CARD16: variants seen among roughly 807,000 people sequenced by gnomAD.
CARD16 encodes caspase recruitment domain-containing protein 16.
Under a neutral mutation model 11.9 loss-of-function variants are expected in CARD16, and 8 were observed. The ratio of observed to expected loss-of-function variants is 0.67; its 90% CI spans 0.39 to 1.21. The LOEUF (loss-of-function observed/expected upper bound fraction) is 1.21, where lower values mean the gene tolerates loss of function less well. CARD16 is among the 50% of genes most tolerant of loss of function. CARD16 has a pLI of 0.01. For missense variants in CARD16, 131 were observed against 118.1 expected, an observed-to-expected ratio of 1.11 and a Z score of -0.51; for synonymous variants, 44 against 43.8, an observed-to-expected ratio of 1.00 and a Z score of -0.02.
In CARD16 at chr11:105,041,572, C is replaced by T. The variant is rs1282211147; in HGVS notation, c.*191G>A. On this transcript the variant is annotated 3_prime_UTR_variant, in exon 4 of 4. Transcript: ENST00000673097. ...AAAACTGCCTGAAGTATATCTTTCA[C>T]TCCACTTTATTATTGTATTCTGAAC... 2 of 1,614,094 alleles carry T rather than the reference C, an allele frequency of 1.2e-6. No individual in the cohort carries two copies. The highest frequency in any genetic ancestry group is 2.2e-5 in the East Asian group (1 of 44,884).
rs1013068465 is a variant in CARD16 at position 105,043,555 on chromosome 11, G to A, written c.275-10C>T. The A allele has an allele frequency of 6.3e-7, 1 of 1,597,778 alleles. No individual in the cohort carries two copies. Among genetic ancestry groups the A allele is most frequent in the South Asian group, 1.1e-5 (1 of 90,404 alleles). On this transcript the variant is annotated splice_polypyrimidine_tract_variant and intron_variant, in intron 2 of 3. Transcript: ENST00000673097. ...TTTCCAGGTATCGGACCTATAAAAA[G>A]ATGAAGAACATTGAAATAGCCACTT...
At position 105,045,152 on chromosome 11, in the gene CARD16, C is replaced by G. The variant is rs549235240; in HGVS notation, c.7+139G>C. 5.7e-6 allele frequency: 7 copies of G among 1,237,622 alleles called. No individual in the cohort carries two copies. The African/African-American group carries it at 1.1e-4, about 19-fold the overall frequency. 76.7% of individuals were successfully genotyped at this position (1,237,622 alleles called of 1,614,324 possible). A position where few individuals can be genotyped will look rare whatever the true frequency, so the allele number is the denominator to read the frequency against. Reference sequence around the variant, plus strand: ...GCCTGCAAAAATCTTCTAGTTCCTTCTCTCCTCCCACTCCTCCCTCTCCCT... The same window carrying G: ...GCCTGCAAAAATCTTCTAGTTCCTTGTCTCCTCCCACTCCTCCCTCTCCCT... On this transcript the variant is annotated intron_variant, in intron 1 of 3. Coordinates refer to ENST00000673097, the MANE Select transcript of CARD16 (RefSeq NM_052889.4).
intron 3 of CARD16, among the ~76,000 whole-genome samples, chr11:105,043,110 G>T (rs1368890279): frequency 6.6e-6 from 1 of 152,056 alleles, no homozygotes; most frequent in East Asian, 1.9e-4. Context: ...GGTGATGGTG[G>T]CATCAAAAAC....
At chr11:105,043,968 C>A (rs1243039819) in intron 2 of CARD16, 2 of 249,792 alleles carry the variant, frequency 8.0e-6, no homozygotes, top group East Asian at 8.9e-5. Flanking sequence ...TCTCTGAGGG[C>A]AAAAGTTTGA....
In CARD16 at chr11:105,043,511, G is replaced by A. The variant is rs375964015; in HGVS notation, c.*15C>T. 6.2e-7 allele frequency: 1 copy of A among 1,610,218 alleles called. No homozygotes were observed. The highest frequency in any genetic ancestry group is 8.5e-7 in the Non-Finnish European group (1 of 1,177,174). On this transcript the variant is annotated 3_prime_UTR_variant, in exon 3 of 4. Coordinates refer to ENST00000673097, the MANE Select transcript of CARD16 (RefSeq NM_052889.4). ...GGAAGGAAGAAAATAGTAATTGGGA[G>A]TCTTGTGTACTAAGCTAATTTCCAG...
chr11:105,044,731 G>A, intron 1 of CARD16, 73 bp from the exon 2 acceptor site: 1 of 1,572,028 alleles, frequency 6.4e-7, no homozygotes, highest in Non-Finnish European at 8.7e-7. Flanking sequence ...AACAGAAAGT[G>A]ACCTCATTTA....
chr11:105,042,742 G>A (rs534206653), intron 3 of CARD16, among the ~76,000 whole-genome samples: 40 of 152,210 alleles, frequency 2.6e-4, no homozygotes, highest in Middle Eastern at 3.4e-3. Flanking sequence ...CTAAAGAAAA[G>A]CATTTGAGTT....
intron 3 of CARD16, among the ~76,000 whole-genome samples, chr11:105,042,279 A>C (rs1333590153): frequency 6.6e-6 from 1 of 152,196 alleles, no homozygotes; most frequent in Non-Finnish European, 1.5e-5. Flanking sequence ...AACTAGAATA[A>C]ATATAAAATA....
chr11:105,044,473 C>T lies in CARD16; in HGVS notation c.193G>A (p.Gly65Arg), dbSNP rs927120923. The T allele has an allele frequency of 6.2e-7, 1 of 1,614,134 alleles. No homozygotes were observed. The highest frequency in any genetic ancestry group is 1.3e-5 in the African/African-American group (1 of 75,044). ...ATGCAAATTTGGCATGCCTGTGCCC[C>T]TTTCGGAATAACGGAGTCAATCAAA... ...RALIDSVIPK[G>R]AQACQICITY... is the part of the protein sequence containing the mutation. The change falls in exon 2 of 4, where the codon GGG becomes AGG. Residue 65 changes from glycine (G) to arginine (R), a missense_variant. Gly to Arg is a moderately radical substitution (Grantham distance 125). Coordinates refer to ENST00000673097, the MANE Select transcript of CARD16 (RefSeq NM_052889.4).
At chr11:105,044,899 G>A in intron 1 of CARD16, 1 of 668,988 alleles carries the variant, frequency 1.5e-6, no homozygotes, top group South Asian at 2.0e-5. Context: ...GGAAAGCAGA[G>A]ATCATCCTCT....
intron 3 of CARD16, among the ~76,000 whole-genome samples, chr11:105,042,451 C>G (rs1454260559): frequency 6.8e-6 from 1 of 146,074 alleles, no homozygotes; most frequent in African/African-American, 2.5e-5. Context: ...ATGTGATGCA[C>G]TTGTTAAAAA....
At position 105,043,531 on chromosome 11, in the gene CARD16, T is replaced by G; in HGVS notation, c.289A>C (p.Asn97His). 1.2e-6 allele frequency: 2 copies of G among 1,609,536 alleles called. No homozygotes were observed. The highest frequency in any genetic ancestry group is 8.5e-7 in the Non-Finnish European group (1 of 1,176,632). ...LGLSAGPIPG[N>H] ...TGGGAGTCTTGTGTACTAAGCTAAT[T>G]TCCAGGTATCGGACCTATAAAAAGA... The change falls in exon 3 of 4, where the codon AAT (asparagine) becomes CAT (histidine). Residue 97 changes from asparagine to histidine, a missense_variant. By Grantham distance (68) the Asn-to-His change is moderately conservative (BLOSUM62 1). Transcript: ENST00000673097.
chr11:105,045,015 A>G (rs184863128), intron 1 of CARD16: 12 of 607,674 alleles, frequency 2.0e-5, no homozygotes, highest in East Asian at 5.5e-5. Context: ...CCAATTCTGT[A>G]CCCTCTGTCA....
intron 3 of CARD16, among the ~76,000 whole-genome samples, chr11:105,043,169 T>G (rs1864139080): frequency 6.6e-6 from 1 of 152,128 alleles, no homozygotes; most frequent in Non-Finnish European, 1.5e-5. Context: ...GAATGGCATG[T>G]TCAGCTCTGA....
At position 105,043,480 on chromosome 11, in the gene CARD16, T is replaced by C. The variant is rs747676450; in HGVS notation, c.*43+3A>G. 6.3e-7 allele frequency: 1 copy of C among 1,598,856 alleles called. No individual in the cohort carries two copies. The highest frequency in any genetic ancestry group is 1.1e-5 in the South Asian group (1 of 90,154). ...AATGCTCTTCATTGAAAAACAACAT[T>C]ACCTGGGAAGGAAGAAAATAGTAAT... On this transcript the variant is annotated splice_donor_region_variant and intron_variant, in intron 3 of 3. Transcript: ENST00000673097.
intron 3 of CARD16, among the ~76,000 whole-genome samples, chr11:105,042,447 T>C (rs1454489997): frequency 1.4e-5 from 2 of 146,850 alleles, no homozygotes; most frequent in Non-Finnish European, 3.0e-5. Context: ...GACAATGTGA[T>C]GCACTTGTTA....
intron 2 of CARD16, 131 bp from the exon 3 acceptor site, chr11:105,043,676 T>A (rs1864147843): frequency 4.3e-6 from 3 of 703,664 alleles, no homozygotes; most frequent in African/African-American, 3.6e-5. Context: ...AATGTTCAAG[T>A]GCACCAAAAC....
rs1864172311 is a variant in CARD16 at position 105,044,850 on chromosome 11, G to A, written c.8-192C>T. ...TAGTCCCCATATATGTGCATGGAGT[G>A]ACCTGAAGACTGAGTTTACCATTTC... On this transcript the variant is annotated intron_variant, in intron 1 of 3. Transcript: ENST00000673097. 4.2e-6 allele frequency: 4 copies of A among 953,936 alleles called. No homozygotes were observed. The East Asian group carries it at 1.0e-4, about 24-fold the overall frequency. The allele number at this position is 953,936 out of a possible 1,614,324, so 59.1% of individuals were successfully genotyped here.
intron 3 of CARD16, 103 bp from the exon 4 acceptor site, chr11:105,041,822 A>T (rs1591213875): frequency 9.3e-7 from 1 of 1,080,268 alleles, no homozygotes; most frequent in East Asian, 2.5e-5. Context: ...CCTAGAGGAC[A>T]ATCCTAATCT....
Sources: gnomAD v4.1 joint callset for allele counts (sites outside exome capture counted in the v4.1 genomes callset) on GRCh38, gnomAD v4.1.1 for gene constraint, MANE v1.5 for transcripts, NCBI Gene and HGNC (gene_info 2026-07-23, HGNC 2026-07-21) for gene names.